KDM2B: variants seen among roughly 807,000 people sequenced by gnomAD.
KDM2B encodes lysine demethylase 2B.
KDM2B carries 26 observed loss-of-function variants against 150.0 expected under a neutral mutation model. The observed-to-expected ratio is 0.17, with a 90% CI of 0.13 to 0.24. The LOEUF (loss-of-function observed/expected upper bound fraction) is 0.24. Among genes scored for constraint, KDM2B ranks in the 10% least tolerant of loss-of-function variants. The pLI is 1.00. For synonymous variants in KDM2B, 734 were observed against 729.5 expected (o/e 1.01, Z -0.10); for missense variants, 1,265 against 1,816.9 (o/e 0.70, Z 5.52).
Position 121,553,088 on chromosome 12 carries a change from C to T in KDM2B, c.398-3450G>A, listed in dbSNP as rs1388832865. Among the ~76,000 whole-genome samples the T allele has an allele frequency of 2.8e-4, 43 of 151,942 alleles. 1 individual carries two copies. The highest frequency in any genetic ancestry group is 2.6e-3 in the Admixed American group (40 of 15,238). ...AATACTAAAAATACAAAAAATCCGCCGGGTGTGGTGGCGGGCGCCTGTAGT... is the reference window on the plus strand; with the variant it reads ...AATACTAAAAATACAAAAAATCCGCTGGGTGTGGTGGCGGGCGCCTGTAGT... On this transcript the variant is annotated intron_variant, in intron 4 of 22. Coordinates refer to ENST00000377071, the MANE Select transcript of KDM2B (RefSeq NM_032590.5).
intron 22 of KDM2B, among the ~76,000 whole-genome samples, chr12:121,432,201 G>C (rs1383764322): frequency 6.6e-6 from 1 of 151,874 alleles, no homozygotes; most frequent in Non-Finnish European, 1.5e-5. Flanking sequence ...TTTTTCAAAG[G>C]GTATCCCTTA....
At position 121,516,170 on chromosome 12, in the gene KDM2B, G is replaced by C. The variant is rs114284054; in HGVS notation, c.1048-2768C>G. ...ACCTCATCCACATTTCCTGACATGAGACTTGATTGGTAAAACTCTGAAGTC... is the reference window on the plus strand; with the variant it reads ...ACCTCATCCACATTTCCTGACATGACACTTGATTGGTAAAACTCTGAAGTC... On this transcript the variant is annotated intron_variant, in intron 9 of 22. Coordinates refer to ENST00000377071, the MANE Select transcript of KDM2B (RefSeq NM_032590.5). 1.4e-3 allele frequency among the ~76,000 whole-genome samples: 216 copies of C among 152,170 alleles called. 1 individual carries two copies. Among genetic ancestry groups the C allele is most frequent in the African/African-American group, 4.7e-3 (196 of 41,514 alleles).
At chr12:121,546,569 T>TTTG (rs1566402478) in intron 6 of KDM2B, among the ~76,000 whole-genome samples, 7 of 150,124 alleles carry the variant, frequency 4.7e-5, no homozygotes, top group African/African-American at 9.8e-5. Flanking sequence ...GGTTTTTTTT[T>TTTG]TTTGTTTGTT....
At chr12:121,469,507 C>T (rs1346364886) in intron 12 of KDM2B, 1 of 150,846 alleles carries the variant, frequency 6.6e-6, no homozygotes, top group East Asian at 2.0e-4. Context: ...ATCCCAGCTA[C>T]GTGGGGGTGC....
rs1457817412 is a variant in KDM2B, at chr12:121,513,422, C to G, written c.1048-20G>C. 3.7e-6 allele frequency: 6 copies of G among 1,607,930 alleles called. No individual in the cohort carries two copies. The highest frequency in any genetic ancestry group is 2.7e-5 in the African/African-American group (2 of 74,950). ...CTGCACCTGAAAGCAAAGACGCAGG[C>G]AGGCAGAGGTCAGTTTCCAGAGGGC... On this transcript the variant is annotated intron_variant, in intron 9 of 22. Transcript: ENST00000377071. The surrounding 1 kb of genome is among the most constrained non-coding windows in gnomAD (Gnocchi z 5.0).
Position 121,535,155 on chromosome 12 carries a change from G to A in KDM2B, c.684-565C>T, listed in dbSNP as rs1887981859. ...ATGCATAAGAATGCAGAAGACCCCT[G>A]CCCCTAACTGTGCGACACTCCTAAA... On this transcript the variant is annotated intron_variant, in intron 6 of 22. Coordinates refer to ENST00000377071, the MANE Select transcript of KDM2B (RefSeq NM_032590.5). Among the ~76,000 whole-genome samples the A allele has an allele frequency of 2.0e-5, 3 of 150,492 alleles. No individual in the cohort carries two copies. In the South Asian group the frequency reaches 6.3e-4, roughly 31 times the overall value.
intron 12 of KDM2B, among the ~76,000 whole-genome samples, chr12:121,490,664 A>G (rs1429034458): frequency 6.6e-6 from 1 of 152,204 alleles, no homozygotes; most frequent in Non-Finnish European, 1.5e-5. Flanking sequence ...TGGTCATAAA[A>G]GGAAGCAGCC....
Position 121,453,372 on chromosome 12 carries a change from G to A in KDM2B, c.1735-28C>T, listed in dbSNP as rs531461639. ...GCAGGGGAACAGACACGACTGGTCAGATGGGGAGACTGCAGGCACGGCCAG... is the reference window on the plus strand; with the variant it reads ...GCAGGGGAACAGACACGACTGGTCAAATGGGGAGACTGCAGGCACGGCCAG... On this transcript the variant is annotated intron_variant, in intron 12 of 22. Transcript: ENST00000377071. This position sits in a 1 kb window ranked among gnomAD's most constrained non-coding sequence, Gnocchi z 6.4. 18 of 1,523,262 alleles carry A rather than the reference G, an allele frequency of 1.2e-5. No individual in the cohort carries two copies. Among genetic ancestry groups the A allele is most frequent in the Non-Finnish European group, 1.5e-5 (17 of 1,128,282 alleles). 94.4% of individuals were successfully genotyped at this position (1,523,262 alleles called of 1,614,324 possible).
intron 2 of KDM2B, among the ~76,000 whole-genome samples, chr12:121,576,337 G>A (rs1891489582): frequency 6.6e-6 from 1 of 152,204 alleles, no homozygotes; most frequent in African/African-American, 2.4e-5. Context: ...TTGTAGCTGA[G>A]CATCAGTGAA....
At chr12:121,500,838 C>T (rs1023395425) in intron 11 of KDM2B, among the ~76,000 whole-genome samples, 1 of 152,232 alleles carries the variant, frequency 6.6e-6, no homozygotes, top group Admixed American at 6.5e-5. Context: ...CAGTGGCTCC[C>T]GCCTGTAATC....
chr12:121,532,612 G>C lies in KDM2B; in HGVS notation c.931+194C>G, dbSNP rs369824227. Among the ~76,000 whole-genome samples, 71 of 152,336 alleles carry C rather than the reference G, an allele frequency of 4.7e-4. No individual in the cohort carries two copies. The South Asian group carries it at 0.01, about 22-fold the overall frequency. On this transcript the variant is annotated intron_variant, in intron 8 of 22. Coordinates refer to ENST00000377071, the MANE Select transcript of KDM2B (RefSeq NM_032590.5). ...TCCAAGGGAGAGAGAATTCCAGCCC[G>C]TAGGTGGTAGATACAGGTGGGATGT...
intron 19 of KDM2B, among the ~76,000 whole-genome samples, chr12:121,441,631 T>G (rs1336137983): frequency 6.6e-6 from 1 of 152,104 alleles, no homozygotes; most frequent in Non-Finnish European, 1.5e-5. Flanking sequence ...GAAATGAGGT[T>G]TCACCTTGTT....
the KDM2B span, among the ~76,000 whole-genome samples, chr12:121,413,634 G>A: frequency 7.0e-6 from 1 of 143,348 alleles, no homozygotes; most frequent in African/African-American, 2.7e-5. Context: ...CTGGAGTGCA[G>A]TGGTGCTATC....
In KDM2B at chr12:121,447,278, T is replaced by G. The variant is rs978635248; in HGVS notation, c.1960-1860A>C. On this transcript the variant is annotated intron_variant, in intron 13 of 22. Transcript: ENST00000377071. ...TTTTTTTATTTTTTGAGATGGAGTC[T>G]TGCTCTGTCACCCAGGCTGGAGTGC... Among the ~76,000 whole-genome samples, 4 of 152,254 alleles carry G rather than the reference T, an allele frequency of 2.6e-5. No homozygotes were observed. The East Asian group carries it at 7.7e-4, about 29-fold the overall frequency.
At chr12:121,548,293 A>G (rs974268224) in intron 6 of KDM2B, among the ~76,000 whole-genome samples, 1 of 152,060 alleles carries the variant, frequency 6.6e-6, no homozygotes, top group Non-Finnish European at 1.5e-5. Flanking sequence ...AAAAAAATAA[A>G]CCATGGTTAA....
intron 9 of KDM2B, among the ~76,000 whole-genome samples, chr12:121,514,112 C>G (rs782079143): frequency 4.6e-5 from 7 of 152,146 alleles, no homozygotes; most frequent in Non-Finnish European, 7.4e-5. Context: ...GGAGACACAT[C>G]TCGGGTCTGG....
rs1887834876 is a variant in KDM2B, at chr12:121,533,548, A to G, written c.778-589T>C. On this transcript the variant is annotated intron_variant, in intron 7 of 22. Transcript: ENST00000377071. This position sits in a 1 kb window ranked among gnomAD's most constrained non-coding sequence, Gnocchi z 4.1. ...AAAAGCAGACACAGGGAGCACCCTT[A>G]GCATTCTGTCCCCAGTGCAAAATGT... 6.6e-6 allele frequency among the ~76,000 whole-genome samples: 1 copy of G among 152,210 alleles called. No individual in the cohort carries two copies. The highest frequency in any genetic ancestry group is 6.5e-5 in the Admixed American group (1 of 15,274).
chr12:121,447,247 CT>C (rs61011924), intron 13 of KDM2B, among the ~76,000 whole-genome samples: 5,016 of 146,424 alleles, frequency 0.034, 261 homozygotes, highest in African/African-American at 0.11. Context: ...CAGGTCTTCT[CT>C]TTTTTTTTTT....
Position 121,468,338 on chromosome 12 carries a change from G to A in KDM2B, c.1735-14994C>T. The A allele has an allele frequency of 6.6e-6, 1 of 152,180 alleles. No homozygotes were observed. Among genetic ancestry groups the A allele is most frequent in the East Asian group, 1.9e-4 (1 of 5,204 alleles). 9.4% of individuals were successfully genotyped at this position (152,180 alleles called of 1,614,324 possible). A position where few individuals can be genotyped will look rare whatever the true frequency, so the allele number is the denominator to read the frequency against. ...TTCATTCAAAAAAAAAGTCTATCGG[G>A]CACTTAAGCCAGCAGCCTCTCTGAA... On this transcript the variant is annotated intron_variant, in intron 12 of 22. Transcript: ENST00000377071. The surrounding 1 kb of genome is among the most constrained non-coding windows in gnomAD (Gnocchi z 4.0).
Sources: allele counts gnomAD v4.1 joint callset (sites outside exome capture counted in the v4.1 genomes callset), GRCh38; gene constraint gnomAD v4.1.1; non-coding constraint Gnocchi (gnomAD v3.1); transcripts MANE v1.5; gene names NCBI Gene and HGNC (gene_info 2026-07-23, HGNC 2026-07-21).